Variants in ZDHHC15 observed in about 807,000 individuals in gnomAD.
The protein encoded by ZDHHC15 is zDHHC palmitoyltransferase 15.
In ZDHHC15, 19 loss-of-function variants were observed where a neutral mutation model predicts 31.7. The ratio of observed to expected loss-of-function variants is 0.60; its 90% CI spans 0.42 to 0.88. The LOEUF (loss-of-function observed/expected upper bound fraction) is 0.88. Ranked by LOEUF, ZDHHC15 falls within the 40% of genes least tolerant of loss-of-function variation. ZDHHC15 has a pLI of 0.00. For missense variants in ZDHHC15, 209 were observed against 251.2 expected (o/e 0.83, Z 1.14); for synonymous variants, 103 against 90.0 (o/e 1.14, Z -0.82).
chrX:75,491,219 A>T (rs903925677), intron 2 of ZDHHC15, among the ~76,000 whole-genome samples: 8 of 110,614 alleles, frequency 7.2e-5, no homozygotes, highest in African/African-American at 2.3e-4. Flanking sequence ...AAGACTTGGA[A>T]CCAACCCAAA....
intron 10 of ZDHHC15, among the ~76,000 whole-genome samples, chrX:75,394,653 T>C (rs1391975965): frequency 2.7e-5 from 3 of 111,024 alleles, no homozygotes; most frequent in African/African-American, 9.8e-5. Context: ...GATAAAGGGG[T>C]CTATTCAGCA....
intron 1 of ZDHHC15, among the ~76,000 whole-genome samples, chrX:75,520,252 C>T (rs572839411): frequency 3.6e-5 from 4 of 111,865 alleles, no homozygotes; most frequent in Admixed American, 9.5e-5. Context: ...ATAAGTCCTA[C>T]GCTTCCTTTC....
chrX:75,496,693 TC>T (rs1228568153), intron 2 of ZDHHC15, among the ~76,000 whole-genome samples: 2 of 111,415 alleles, frequency 1.8e-5, no homozygotes, highest in Non-Finnish European at 3.8e-5. Flanking sequence ...GGAAGTTAAC[TC>T]CAAAAGGAAC....
At chrX:75,494,196 T>C (rs1036966239) in intron 2 of ZDHHC15, among the ~76,000 whole-genome samples, 1 of 110,992 alleles carries the variant, frequency 9.0e-6, no homozygotes, top group Non-Finnish European at 1.9e-5. Context: ...GCTTCAAAGA[T>C]AATAAAATAC....
chrX:75,515,454 A>C (rs2085341784), intron 1 of ZDHHC15, among the ~76,000 whole-genome samples: 1 of 111,790 alleles, frequency 8.9e-6, no homozygotes, highest in African/African-American at 3.3e-5. Flanking sequence ...AACGTAGTCC[A>C]TCATATAAAC....
chrX:75,481,501 T>G (rs2084688804), intron 2 of ZDHHC15, among the ~76,000 whole-genome samples: 2 of 112,017 alleles, frequency 1.8e-5, no homozygotes, highest in South Asian at 7.5e-4. Flanking sequence ...ATTACAAGGT[T>G]TCATAGAAAT....
intron 4 of ZDHHC15, 115 bp downstream of exon 4, chrX:75,450,687 T>C (rs948246143): frequency 1.7e-6 from 2 of 1,195,661 alleles, no homozygotes; most frequent in Admixed American, 4.5e-5. Flanking sequence ...AAAATCTCCA[T>C]AGTGGTTTTC....
At position 75,370,317 on chromosome X, in the gene ZDHHC15, G is replaced by T. The variant is rs900665603; in HGVS notation, c.*2661C>A. On this transcript the variant is annotated 3_prime_UTR_variant, in exon 12 of 12. Coordinates refer to ENST00000373367, the MANE Select transcript of ZDHHC15 (RefSeq NM_144969.3). ...CAAAGAAAAGCAAGCAAAGAAGCCA[G>T]ATCAGGGTGTGCTAATTATTAAATA... is the stretch of plus-strand genomic sequence containing the variant. 2.7e-5 allele frequency: 3 copies of T among 110,740 alleles called. No homozygotes were observed. In the South Asian group the frequency reaches 1.2e-3, roughly 43 times the overall value. The allele number at this position is 110,740 out of a possible 1,213,427, so 9.1% of individuals were successfully genotyped here.
intron 4 of ZDHHC15, among the ~76,000 whole-genome samples, chrX:75,440,577 C>T (rs2083926093): frequency 1.8e-5 from 2 of 112,858 alleles, no homozygotes; most frequent in African/African-American, 6.4e-5. Flanking sequence ...CCGTGCCCAA[C>T]CACGTTCTTT....
chrX:75,452,036 A>C (rs1418892706), intron 3 of ZDHHC15, among the ~76,000 whole-genome samples: 2 of 111,233 alleles, frequency 1.8e-5, no homozygotes. Context: ...TAACAATATT[A>C]ACCTTGAAAG....
At chrX:75,479,693 T>C (rs754791234) in intron 2 of ZDHHC15, among the ~76,000 whole-genome samples, 24 of 111,430 alleles carry the variant, frequency 2.2e-4, no homozygotes, top group African/African-American at 7.2e-4. Flanking sequence ...CTCTATTATC[T>C]ATCATTCCAC....
At chrX:75,391,013 A>T (rs895183384) in intron 10 of ZDHHC15, among the ~76,000 whole-genome samples, 18 of 112,024 alleles carry the variant, frequency 1.6e-4, no homozygotes, top group African/African-American at 4.5e-4. Context: ...GATAAATTTT[A>T]AAATGGGATG....
chrX:75,378,752 TC>T (rs1235313611), intron 11 of ZDHHC15, among the ~76,000 whole-genome samples: 1 of 110,875 alleles, frequency 9.0e-6, no homozygotes, highest in Admixed American at 9.6e-5. Context: ...CATAATGGAG[TC>T]AGGCAAAAGA....
chrX:75,502,107 A>G (rs1449700576), intron 2 of ZDHHC15: 2 of 112,125 alleles, frequency 1.8e-5, no homozygotes, highest in Non-Finnish European at 3.8e-5. Flanking sequence ...AATGGCAGAA[A>G]TTTATTGTCT....
At chrX:75,472,089 G>A (rs747395797) in intron 3 of ZDHHC15, among the ~76,000 whole-genome samples, 3 of 111,691 alleles carry the variant, frequency 2.7e-5, no homozygotes, top group Non-Finnish European at 5.6e-5. Flanking sequence ...TGGTATATAC[G>A]TGATCATGCT....
At chrX:75,456,927 A>G (rs912934484) in intron 3 of ZDHHC15, among the ~76,000 whole-genome samples, 3 of 111,427 alleles carry the variant, frequency 2.7e-5, no homozygotes, top group African/African-American at 9.8e-5. Flanking sequence ...TTCTTGCTTA[A>G]TTTCTCCAAG....
intron 7 of ZDHHC15, among the ~76,000 whole-genome samples, chrX:75,428,228 G>A (rs1368065158): frequency 2.7e-5 from 3 of 110,948 alleles, no homozygotes; most frequent in Non-Finnish European, 5.7e-5. Flanking sequence ...TGGAGTTGTG[G>A]GGAAGGGATA....
In ZDHHC15 at chrX:75,476,424, G is replaced by A. The variant is rs1324956498; in HGVS notation, c.258+2467C>T. ...CTATTCAGATTTTTTATTTCTTCTTGAGTCAGTTTTGGCAGTTTGTGTCTT... is the reference window on the plus strand; with the variant it reads ...CTATTCAGATTTTTTATTTCTTCTTAAGTCAGTTTTGGCAGTTTGTGTCTT... On this transcript the variant is annotated intron_variant, in intron 3 of 11. Transcript: ENST00000373367. Among the ~76,000 whole-genome samples the A allele has an allele frequency of 2.7e-5, 3 of 110,316 alleles. No homozygotes were observed. In the Admixed American group the frequency reaches 2.9e-4, roughly 11 times the overall value.
At chrX:75,403,479 C>A (rs762647644) in intron 10 of ZDHHC15, among the ~76,000 whole-genome samples, 1 of 111,778 alleles carries the variant, frequency 8.9e-6, no homozygotes, top group African/African-American at 3.3e-5. Context: ...ATCTAGAAAA[C>A]CCCATAGTCT....
Sources: allele counts gnomAD v4.1 joint callset (sites outside exome capture counted in the v4.1 genomes callset), GRCh38; gene constraint gnomAD v4.1.1; transcripts MANE v1.5; gene names NCBI Gene and HGNC (gene_info 2026-07-23, HGNC 2026-07-21).